The following NTNG1 variants were observed in gnomAD, a reference collection of about 807,000 sequenced individuals.
The protein encoded by NTNG1 is netrin G1.
A neutral mutation model predicts 54.0 loss-of-function variants in NTNG1; 16 were observed. The observed-to-expected ratio is 0.30, with a 90% CI of 0.20 to 0.45. The LOEUF (loss-of-function observed/expected upper bound fraction) is 0.45, where lower values mean the gene tolerates loss of function less well. Ranked by LOEUF, NTNG1 falls within the 20% of genes least tolerant of loss-of-function variation. The probability of loss-of-function intolerance (pLI) is 1.00; values close to 1 mark genes in which losing one functional copy is unlikely to be tolerated. For synonymous variants in NTNG1, 255 were observed against 263.1 expected (o/e 0.97, Z 0.30); for missense variants, 530 against 678.7 (o/e 0.78, Z 2.43).
At chr1:107,440,132 G>C (rs1029135092) in intron 7 of NTNG1, among the ~76,000 whole-genome samples, 5 of 151,960 alleles carry the variant, frequency 3.3e-5, no homozygotes, top group Non-Finnish European at 7.4e-5. Flanking sequence ...GAGTAAGCAG[G>C]CATTTAGGTA....
At chr1:107,247,924 A>G (rs76042786) in intron 2 of NTNG1, among the ~76,000 whole-genome samples, 4,692 of 152,232 alleles carry the variant, frequency 0.031, 224 homozygotes, top group African/African-American at 0.11. Flanking sequence ...ATGAGGTGAA[A>G]AGTGGATGGA....
At chr1:107,243,612 A>T (rs11185074) in intron 2 of NTNG1, among the ~76,000 whole-genome samples, 1 of 151,842 alleles carries the variant, frequency 6.6e-6, no homozygotes, top group Non-Finnish European at 1.5e-5. Context: ...GCTAGAGCGC[A>T]CCAGCTGTTC....
chr1:107,459,838 C>A (rs12083292), intron 7 of NTNG1, among the ~76,000 whole-genome samples: 11 of 152,120 alleles, frequency 7.2e-5, no homozygotes, highest in African/African-American at 2.4e-4. Context: ...TAAGATGGAG[C>A]CAGCCGGGTA....
rs1004357564 is a variant in NTNG1, at chr1:107,482,908, T to C, written c.*2068T>C. The C allele has an allele frequency of 6.6e-5, 10 of 152,360 alleles. No individual in the cohort carries two copies. Among genetic ancestry groups the C allele is most frequent in the Middle Eastern group, 3.4e-3 (1 of 294 alleles). 9.4% of individuals were successfully genotyped at this position (152,360 alleles called of 1,614,324 possible). On this transcript the variant is annotated 3_prime_UTR_variant, in exon 8 of 8. Coordinates refer to ENST00000370068, the MANE Select transcript of NTNG1 (RefSeq NM_001113226.3). ...CACGTCTAAGTCTATTGAATGTTTGTTATTCAAACCAACAGTCTCTTTTGA... is the reference window on the plus strand; with the variant it reads ...CACGTCTAAGTCTATTGAATGTTTGCTATTCAAACCAACAGTCTCTTTTGA...
chr1:107,280,884 T>G (rs1664806578), intron 2 of NTNG1, among the ~76,000 whole-genome samples: 1 of 151,292 alleles, frequency 6.6e-6, no homozygotes, highest in Admixed American at 6.6e-5. Context: ...TTATTTTATT[T>G]TATTTTATTT....
At chr1:107,228,719 T>C (rs1320614808) in intron 2 of NTNG1, among the ~76,000 whole-genome samples, 1 of 152,184 alleles carries the variant, frequency 6.6e-6, no homozygotes, top group Non-Finnish European at 1.5e-5. Flanking sequence ...GCCACTGATA[T>C]GGATTCAGAT....
chr1:107,249,214 G>A (rs907593326), intron 2 of NTNG1, among the ~76,000 whole-genome samples: 5 of 151,160 alleles, frequency 3.3e-5, no homozygotes, highest in South Asian at 2.1e-4. Flanking sequence ...GGCCGGGCAC[G>A]GTGGCTCACA....
chr1:107,287,082 T>C (rs2101748464), intron 2 of NTNG1, among the ~76,000 whole-genome samples: 1 of 152,290 alleles, frequency 6.6e-6, no homozygotes, highest in East Asian at 1.9e-4. Flanking sequence ...TTCTTTCATA[T>C]GTAGTATACC....
chr1:107,321,878 G>A (rs536973401), intron 2 of NTNG1, among the ~76,000 whole-genome samples: 5 of 152,042 alleles, frequency 3.3e-5, no homozygotes, highest in African/African-American at 4.8e-5. Flanking sequence ...AGGGGTAAGA[G>A]GCACCAGTCT....
intron 2 of NTNG1, among the ~76,000 whole-genome samples, chr1:107,270,877 CTT>C (rs1664100723): frequency 6.6e-6 from 1 of 151,880 alleles, no homozygotes. Context: ...AGAGAAGACA[CTT>C]ATATTGTGAA....
chr1:107,259,343 G>A (rs528927152), intron 2 of NTNG1, among the ~76,000 whole-genome samples: 57 of 151,884 alleles, frequency 3.8e-4, no homozygotes, highest in Middle Eastern at 3.4e-3. Flanking sequence ...GAAAAAGCTC[G>A]GTGCTATAAA....
chr1:107,479,189 G>T (rs1469784681), intron 7 of NTNG1, among the ~76,000 whole-genome samples: 1 of 152,148 alleles, frequency 6.6e-6, no homozygotes, highest in East Asian at 1.9e-4. Flanking sequence ...GTAAAACAGT[G>T]GTCTATTTAG....
Position 107,433,362 on chromosome 1 carries a change from G to A in NTNG1, c.1255+2445G>A, listed in dbSNP as rs147232622. 5.7e-3 allele frequency among the ~76,000 whole-genome samples: 871 copies of A among 152,150 alleles called. 12 individuals carry two copies. The highest frequency in any genetic ancestry group is 0.02 in the African/African-American group (832 of 41,514). On this transcript the variant is annotated intron_variant, in intron 6 of 7. Transcript: ENST00000370068. ...AGTTTGAGACCAGCCTGGCCAACAT[G>A]GTGAAACCACATCTCTACTGAAAGA...
Position 107,467,249 on chromosome 1 carries a change from G to T in NTNG1, c.1391-13362G>T, listed in dbSNP as rs182313905. ...CCAAGAAATTGTAGGAGTGAACGAT[G>T]ATTTTTTTCAAATTGACAAGTATTC... On this transcript the variant is annotated intron_variant, in intron 7 of 7. Coordinates refer to ENST00000370068, the MANE Select transcript of NTNG1 (RefSeq NM_001113226.3). 2.2e-3 allele frequency among the ~76,000 whole-genome samples: 334 copies of T among 152,218 alleles called. 1 individual carries two copies. Among genetic ancestry groups the T allele is most frequent in the African/African-American group, 7.7e-3 (321 of 41,538 alleles).
At chr1:107,295,303 T>C (rs918443053) in intron 2 of NTNG1, among the ~76,000 whole-genome samples, 1 of 152,226 alleles carries the variant, frequency 6.6e-6, no homozygotes, top group African/African-American at 2.4e-5. Flanking sequence ...TGCTCATTCA[T>C]TGTGGATATA....
intron 2 of NTNG1, among the ~76,000 whole-genome samples, chr1:107,286,717 C>T (rs775851007): frequency 6.6e-6 from 1 of 152,038 alleles, no homozygotes; most frequent in Non-Finnish European, 1.5e-5. Context: ...AAGTTAAGTG[C>T]CTTTTATGCT....
At chr1:107,369,613 T>C (rs1670802625) in intron 3 of NTNG1, among the ~76,000 whole-genome samples, 1 of 152,184 alleles carries the variant, frequency 6.6e-6, no homozygotes, top group Admixed American at 6.5e-5. Context: ...TATTATTGAG[T>C]TCAGAAAGGT....
chr1:107,324,203 C>G, intron 2 of NTNG1, 79 bp from the exon 3 acceptor site: 1 of 1,347,554 alleles, frequency 7.4e-7, no homozygotes. Context: ...TTTCTAGCCT[C>G]TTACTGAGCA....
intron 2 of NTNG1, among the ~76,000 whole-genome samples, chr1:107,190,335 C>A (rs544893160): frequency 6.6e-6 from 1 of 152,100 alleles, no homozygotes; most frequent in South Asian, 2.1e-4. Context: ...TATTTTACCA[C>A]AATTAAAAAC....
Sources: allele counts gnomAD v4.1 joint callset (sites outside exome capture counted in the v4.1 genomes callset), GRCh38; gene constraint gnomAD v4.1.1; transcripts MANE v1.5; gene names NCBI Gene and HGNC (gene_info 2026-07-23, HGNC 2026-07-21).